Variants in ISOC2 observed in about 807,000 individuals in gnomAD.
The protein encoded by ISOC2 is isochorismatase domain-containing protein 2.
In ISOC2, 15 loss-of-function variants were observed where a neutral mutation model predicts 19.3. That is an observed-to-expected ratio of 0.78 (90% CI 0.52 to 1.20). The LOEUF (loss-of-function observed/expected upper bound fraction) is 1.20, where lower values mean the gene tolerates loss of function less well. Among genes scored for constraint, ISOC2 ranks in the 50% most tolerant of loss-of-function variants. ISOC2 has a pLI of 0.00. For synonymous variants in ISOC2, 106 were observed against 115.8 expected, an observed-to-expected ratio of 0.92 and a Z score of 0.54; for missense variants, 285 against 272.4, an observed-to-expected ratio of 1.05 and a Z score of -0.33.
At chr19:55,458,750 ACTC>A (rs1986145997) in intron 1 of ISOC2, among the ~76,000 whole-genome samples, 1 of 149,450 alleles carries the variant, frequency 6.7e-6, no homozygotes, top group Non-Finnish European at 1.5e-5. Flanking sequence ...CTGGTCTTGA[ACTC>A]CTGACCTCGT....
intron 4 of ISOC2, 39 bp from the exon 5 acceptor site, chr19:55,455,145 G>A (rs376464651): frequency 1.9e-6 from 3 of 1,586,216 alleles, no homozygotes; most frequent in South Asian, 1.1e-5. Context: ...TGGTGTGGAC[G>A]CCGCAGTCTG....
intron 5 of ISOC2, chr19:55,453,664 C>T (rs1599880354): frequency 3.7e-6 from 1 of 267,640 alleles, no homozygotes; most frequent in East Asian, 6.5e-5. Flanking sequence ...CTACACCTTC[C>T]TCTTCTTAAG....
At position 55,455,122 on chromosome 19, in the gene ISOC2, AGG is replaced by A; in HGVS notation, c.420-18_420-17del. Reference sequence around the variant, plus strand: ...GTCCACCTGGCTGTGAGTGGGAGGGAGGGAGGGAAGGTTGGTGTGGACGCCGC... The same window carrying A: ...GTCCACCTGGCTGTGAGTGGGAGGGAGAGGGAAGGTTGGTGTGGACGCCGC... On this transcript the variant is annotated splice_polypyrimidine_tract_variant and intron_variant, in intron 4 of 5. Coordinates refer to ENST00000425675, the MANE Select transcript of ISOC2 (RefSeq NM_001136201.2). The A allele has an allele frequency of 5.3e-6, 3 of 568,522 alleles. No homozygotes were observed. Among genetic ancestry groups the A allele is most frequent in the Non-Finnish European group, 6.8e-6 (2 of 294,694 alleles). The allele number at this position is 568,522 out of a possible 1,614,324, so 35.2% of individuals were successfully genotyped here.
At chr19:55,454,908 G>A (rs117868499) in intron 5 of ISOC2, 81 bp downstream of exon 5, 28,517 of 1,062,916 alleles carry the variant, frequency 0.027, 480 homozygotes, top group Non-Finnish European at 0.034. Flanking sequence ...CAGCCTGCTG[G>A]TGCCGAGATG....
At chr19:55,460,837 G>T (rs1986212614) in intron 1 of ISOC2, among the ~76,000 whole-genome samples, 1 of 152,260 alleles carries the variant, frequency 6.6e-6, no homozygotes, top group Non-Finnish European at 1.5e-5. Flanking sequence ...AGGCCAGAGA[G>T]CAGGAGGTCG....
At chr19:55,456,071 T>C (rs946537616) in intron 2 of ISOC2, 7 of 576,678 alleles carry the variant, frequency 1.2e-5, no homozygotes, top group African/African-American at 2.1e-5. Context: ...GAAGAGGAAG[T>C]GGGCCTGGAT....
Position 55,453,347 on chromosome 19 carries a change from C to T in ISOC2, c.579G>A (p.Leu193=). The T allele has an allele frequency of 1.2e-6, 2 of 1,608,170 alleles. No homozygotes were observed. Among genetic ancestry groups the T allele is most frequent in the Non-Finnish European group, 1.7e-6 (2 of 1,177,414 alleles). The change falls in exon 6 of 6, where the codon CTG becomes CTA. Residue 193 remains leucine (L), a synonymous_variant. Coordinates refer to ENST00000425675, the MANE Select transcript of ISOC2 (RefSeq NM_001136201.2). ...LIKEPAPDSG[L]LGLFQGQNSL... Reference sequence around the variant, plus strand: ...AGTTCTGGCCTTGGAAGAGGCCCAGCAGTCCGCTGTCTGGGGCGGGCTCCT... The same window carrying T: ...AGTTCTGGCCTTGGAAGAGGCCCAGTAGTCCGCTGTCTGGGGCGGGCTCCT...
Position 55,456,871 on chromosome 19 carries a change from G to A in ISOC2, c.-3-382C>T, listed in dbSNP as rs933489699. On this transcript the variant is annotated intron_variant, in intron 1 of 5. Transcript: ENST00000425675. ...TTACTATCAGTCCCGGTTACCATCAGCCTCAGTTACCATCTGCCCTGGTTA... is the reference window on the plus strand; with the variant it reads ...TTACTATCAGTCCCGGTTACCATCAACCTCAGTTACCATCTGCCCTGGTTA... Among the ~76,000 whole-genome samples the A allele has an allele frequency of 2.6e-5, 4 of 152,176 alleles. No homozygotes were observed. In the South Asian group the frequency reaches 8.3e-4, roughly 32 times the overall value.
At chr19:55,455,168 C>T (rs929559575) in intron 4 of ISOC2, 62 bp from the exon 5 acceptor site, 22 of 1,572,974 alleles carry the variant, frequency 1.4e-5, no homozygotes, top group Admixed American at 5.2e-5. Flanking sequence ...CACCCAGACA[C>T]GCAGGCACCC....
intron 3 of ISOC2, 41 bp downstream of exon 3, chr19:55,455,595 A>C: frequency 1.4e-6 from 2 of 1,476,642 alleles, no homozygotes; most frequent in Non-Finnish European, 1.8e-6. Flanking sequence ...TGGGGGTCCC[A>C]GGTTAGAACG....
At position 55,455,768 on chromosome 19, in the gene ISOC2, C is replaced by T; in HGVS notation, c.216G>A (p.Leu72=). The T allele has an allele frequency of 2.5e-6, 4 of 1,581,356 alleles. No individual in the cohort carries two copies. The highest frequency in any genetic ancestry group is 3.4e-6 in the Non-Finnish European group (4 of 1,164,062). ...PQGLGPTVPE[L]GTEGLRPLAK... is the part of the protein sequence containing the mutation. Reference sequence around the variant, plus strand: ...CCAGCGGCCGAAGGCCCTCAGTCCCCAGCTCGGGCACCGTGGGGCCCAGGC... The same window carrying T: ...CCAGCGGCCGAAGGCCCTCAGTCCCTAGCTCGGGCACCGTGGGGCCCAGGC... Residue 72 remains leucine, a synonymous_variant, in exon 3 of 6, where the codon CTG becomes CTA. Transcript: ENST00000425675.
chr19:55,460,288 G>A (rs1986193380), intron 1 of ISOC2, among the ~76,000 whole-genome samples: 1 of 152,242 alleles, frequency 6.6e-6, no homozygotes, highest in African/African-American at 2.4e-5. Context: ...GCAGAACAGT[G>A]TGTATGGAAT....
intron 5 of ISOC2, chr19:55,454,682 C>T: frequency 2.4e-6 from 1 of 413,552 alleles, no homozygotes; most frequent in Non-Finnish European, 4.5e-6. Context: ...TGGTCACTCC[C>T]TCCTTCAGTT....
In ISOC2 at chr19:55,455,797, GTGGGTAC is replaced by G. The variant is rs1986035316; in HGVS notation, c.180_186del (p.Gln60HisfsTer55). 1.3e-6 allele frequency: 2 copies of G among 1,562,020 alleles called. No homozygotes were observed. Among genetic ancestry groups the G allele is most frequent in the Non-Finnish European group, 1.7e-6 (2 of 1,153,226 alleles). On this transcript the variant is annotated frameshift_variant, in exon 3 of 6. Transcript: ENST00000425675. LOFTEE classifies it high-confidence loss of function. ...TCGGGCACCGTGGGGCCCAGGCCTT[GTGGGTAC>G]TGCTCCGTCAGCATGACTGGCACCT...
intron 1 of ISOC2, chr19:55,459,974 A>G (rs903094557): frequency 2.0e-5 from 3 of 152,026 alleles, no homozygotes; most frequent in Admixed American, 6.6e-5. Context: ...GGTCACAACA[A>G]CTCCTAGGGA....
At chr19:55,458,714 G>T (rs1034874795) in intron 1 of ISOC2, among the ~76,000 whole-genome samples, 1 of 151,264 alleles carries the variant, frequency 6.6e-6, no homozygotes, top group Non-Finnish European at 1.5e-5. Flanking sequence ...TTTTAGTAGA[G>T]ATGGGGTTTC....
At position 55,453,131 on chromosome 19, in the gene ISOC2, CT is replaced by C. The variant is rs1197268553; in HGVS notation, c.*176del. The C allele has an allele frequency of 1.9e-6, 1 of 530,496 alleles. No individual in the cohort carries two copies. The highest frequency in any genetic ancestry group is 3.4e-6 in the Non-Finnish European group (1 of 297,646). The allele number at this position is 530,496 out of a possible 1,614,324, so 32.9% of individuals were successfully genotyped here. On this transcript the variant is annotated 3_prime_UTR_variant, in exon 6 of 6. Coordinates refer to ENST00000425675, the MANE Select transcript of ISOC2 (RefSeq NM_001136201.2). ...CAATTCCCACCCAGTTTCCAGGAGT[CT>C]CATTTGCATTTCCGGGAGCAGCTGT... is the stretch of plus-strand genomic sequence containing the variant.
intron 1 of ISOC2, among the ~76,000 whole-genome samples, chr19:55,456,890 C>T (rs1247424331): frequency 6.6e-6 from 1 of 152,138 alleles, no homozygotes; most frequent in Non-Finnish European, 1.5e-5. Context: ...ACCATCTGCC[C>T]TGGTTACCAT....
At chr19:55,460,817 T>G (rs948590435) in intron 1 of ISOC2, among the ~76,000 whole-genome samples, 1 of 152,130 alleles carries the variant, frequency 6.6e-6, no homozygotes, top group Non-Finnish European at 1.5e-5. Context: ...GCGGTTGAAC[T>G]GGAGGCAAAA....
Sources: allele counts gnomAD v4.1 joint callset (sites outside exome capture counted in the v4.1 genomes callset), GRCh38; gene constraint gnomAD v4.1.1; transcripts MANE v1.5; gene names NCBI Gene and HGNC (gene_info 2026-07-23, HGNC 2026-07-21).